The following ASPM variants were observed in gnomAD, a reference collection of about 807,000 sequenced individuals.
The protein encoded by ASPM is abnormal spindle-like microcephaly-associated protein.
ASPM carries 256 observed loss-of-function variants against 366.4 expected under a neutral mutation model. That is an observed-to-expected ratio of 0.70 (90% CI 0.63 to 0.77). ASPM has a LOEUF of 0.77. ASPM is among the 30% of genes least tolerant of loss of function. The probability of loss-of-function intolerance (pLI) is 0.00; values close to 1 mark genes in which losing one functional copy is unlikely to be tolerated. For synonymous variants in ASPM, 1,414 were observed against 1,342.9 expected (o/e 1.05, Z -1.16); for missense variants, 4,146 against 4,090.4 (o/e 1.01, Z -0.37).
In ASPM at chr1:197,104,691, G is replaced by A. The variant is rs774620009; in HGVS notation, c.4560C>T (p.Tyr1520=). 12 of 1,612,932 alleles carry A rather than the reference G, an allele frequency of 7.4e-6. No individual in the cohort carries two copies. In the South Asian group the frequency reaches 1.2e-4, roughly 16 times the overall value. ...TCTTTCCTTTCAGATATGCTTTGTAGTACTTCTGGATGGTTAGTATGGACT... is the reference window on the plus strand; with the variant it reads ...TCTTTCCTTTCAGATATGCTTTGTAATACTTCTGGATGGTTAGTATGGACT... The part of the protein sequence containing the change: ...RKESILTIQK[Y]YKAYLKGKIE... Residue 1520 remains tyrosine (Y), a synonymous_variant, in exon 18 of 28, where the codon TAC becomes TAT. Coordinates refer to ENST00000367409, the MANE Select transcript of ASPM (RefSeq NM_018136.5).
Position 197,090,083 on chromosome 1 carries a change from C to T in ASPM, c.9831G>A (p.Glu3277=). 6.2e-7 allele frequency: 1 copy of T among 1,612,826 alleles called. No homozygotes were observed. Among genetic ancestry groups the T allele is most frequent in the South Asian group, 1.1e-5 (1 of 91,044 alleles). The change falls in exon 25 of 28, where the codon GAG becomes GAA. Residue 3277 remains glutamate (E), a splice_region_variant and synonymous_variant. Transcript: ENST00000367409. ...AAAGTGGAGACAATCTAGTAACTAC[C>T]TCTGAAAGAAAAAAAAAACACACAC... is the stretch of plus-strand genomic sequence containing the variant. ...SAILEALKHL[E]VVTRLSPLCC... is the part of the protein sequence containing the mutation.
At position 197,139,832 on chromosome 1, in the gene ASPM, T is replaced by C. The variant is rs1658529645; in HGVS notation, c.1961A>G (p.Lys654Arg). Reference protein sequence around the residue: ...IFRTPISKTNKRTKPIIAVAQ... With the variant: ...IFRTPISKTNRRTKPIIAVAQ... Reference sequence around the variant, plus strand: ...CACAGCGATAATGGGTTTTGTCCTTTTGTTTGTTTTAGAAATTGGAGTTCT... The same window carrying C: ...CACAGCGATAATGGGTTTTGTCCTTCTGTTTGTTTTAGAAATTGGAGTTCT... Residue 654 changes from lysine (K) to arginine (R), a missense_variant, in exon 4 of 28, where the codon AAA becomes AGA. Physicochemically the swap from Lys to Arg is conservative, Grantham distance 26. Transcript: ENST00000367409. The C allele has an allele frequency of 1.2e-6, 2 of 1,612,100 alleles. No individual in the cohort carries two copies. The highest frequency in any genetic ancestry group is 2.2e-5 in the East Asian group (1 of 44,816).
In ASPM at chr1:197,103,567, C is replaced by G; in HGVS notation, c.5684G>C (p.Arg1895Thr). ...CTTCAAGGCAGCTTGATGTTCCCTT[C>G]TAATCTGTTTCCGAACCTTCCAGCC... The part of the protein sequence containing the change: ...YRGWKVRKQI[R>T]REHQAALKIQ... Residue 1895 changes from arginine to threonine, a missense_variant, in exon 18 of 28, where the codon AGA (arginine) becomes ACA (threonine). This residue lies in a region of ASPM where 3,624 missense variants were observed against 3,591.7 expected (regional missense o/e 1.01). Transcript: ENST00000367409. The G allele has an allele frequency of 6.2e-7, 1 of 1,612,926 alleles. No individual in the cohort carries two copies. Among genetic ancestry groups the G allele is most frequent in the Non-Finnish European group, 8.5e-7 (1 of 1,179,450 alleles).
chr1:197,098,415 G>A (rs978207918), intron 18 of ASPM, among the ~76,000 whole-genome samples: 5 of 151,338 alleles, frequency 3.3e-5, no homozygotes, highest in Non-Finnish European at 5.9e-5. Flanking sequence ...TTAGACCACT[G>A]GCATAGGCTA....
rs767131125 is a variant in ASPM, at chr1:197,132,471, A to T, written c.2420-119T>A. On this transcript the variant is annotated intron_variant, in intron 6 of 27. Coordinates refer to ENST00000367409, the MANE Select transcript of ASPM (RefSeq NM_018136.5). ...ATACTTGCTTATATGAAATAAGTTA[A>T]TTTAAATAAAATACACTTATAGTCT... 5.1e-6 allele frequency: 4 copies of T among 784,570 alleles called. No individual in the cohort carries two copies. The African/African-American group carries it at 5.3e-5, about 10-fold the overall frequency. 48.6% of individuals were successfully genotyped at this position (784,570 alleles called of 1,614,324 possible).
chr1:197,098,885 T>C (rs956918562), intron 18 of ASPM, among the ~76,000 whole-genome samples: 1 of 151,608 alleles, frequency 6.6e-6, no homozygotes, highest in African/African-American at 2.4e-5. Flanking sequence ...CAGACAAACA[T>C]AGTCAACTGC....
intron 4 of ASPM, chr1:197,139,318 C>A (rs554981778): frequency 2.6e-6 from 2 of 759,844 alleles, no homozygotes; most frequent in East Asian, 2.6e-5. Context: ...TGTTTTTGGC[C>A]GGGCGCGGTG....
intron 19 of ASPM, 55 bp downstream of exon 19, chr1:197,095,943 C>A (rs567759012): frequency 7.0e-7 from 1 of 1,427,052 alleles, no homozygotes; most frequent in Non-Finnish European, 9.7e-7. Context: ...TATGTAAAGA[C>A]TTAGCTATCA....
Position 197,084,174 on chromosome 1 carries a change from TA to T in ASPM, c.*149del. 1.6e-6 allele frequency: 1 copy of T among 630,952 alleles called. No individual in the cohort carries two copies. The allele number at this position is 630,952 out of a possible 1,614,324, so 39.1% of individuals were successfully genotyped here. The stretch of plus-strand genomic sequence containing the variant: ...ATTACATGCATAAAACTATAAATGA[TA>T]AAAATGAAGAATGTAATGAACAGTT... On this transcript the variant is annotated 3_prime_UTR_variant, in exon 28 of 28. Coordinates refer to ENST00000367409, the MANE Select transcript of ASPM (RefSeq NM_018136.5).
At chr1:197,132,231 C>T in intron 7 of ASPM, 54 bp downstream of exon 7, 3 of 1,368,862 alleles carry the variant, frequency 2.2e-6, no homozygotes, top group Non-Finnish European at 3.0e-6. Flanking sequence ...GTCTATTCTA[C>T]AAAAAGTATA....
In ASPM at chr1:197,143,287, A is replaced by C; in HGVS notation, c.965T>G (p.Val322Gly). 6.2e-7 allele frequency: 1 copy of C among 1,613,624 alleles called. No homozygotes were observed. Among genetic ancestry groups the C allele is most frequent in the South Asian group, 1.1e-5 (1 of 91,058 alleles). ...ATTATTAGCTCCATGACTATTATTT[A>C]CAAAAGAATCTGGACTTAGAAAATG... ...QIHFLSPDSF[V>G]NNSHGANNEL... The change falls in exon 3 of 28, where the codon GTA becomes GGA. Residue 322 changes from valine to glycine, a missense_variant. Coordinates refer to ENST00000367409, the MANE Select transcript of ASPM (RefSeq NM_018136.5).
rs1658617641 is a variant in ASPM at position 197,142,472 on chromosome 1, T to C, written c.1780A>G (p.Thr594Ala). 6.2e-7 allele frequency: 1 copy of C among 1,614,054 alleles called. No individual in the cohort carries two copies. The highest frequency in any genetic ancestry group is 8.5e-7 in the Non-Finnish European group (1 of 1,179,884). ...ATTCTTTTGATTTCTCGCACTTCTG[T>C]ATGTTCTGTAATTGCAACTCTCACA... ...ANVRVAITEH[T>A]EVREIKRIHF... Residue 594 changes from threonine to alanine, a missense_variant, in exon 3 of 28, where the codon ACA (threonine) becomes GCA (alanine). Transcript: ENST00000367409.
rs373830955 is a variant in ASPM, at chr1:197,093,154, T to C, written c.9192A>G (p.Arg3064=). 5.0e-6 allele frequency: 8 copies of C among 1,612,368 alleles called. No individual in the cohort carries two copies. The African/African-American group carries it at 1.1e-4, about 22-fold the overall frequency. Residue 3064 remains arginine, a synonymous_variant, in exon 21 of 28, where the codon CGA becomes CGG. Coordinates refer to ENST00000367409, the MANE Select transcript of ASPM (RefSeq NM_018136.5). ...SAALIIQKYI[R]AREAGKHERI... is the part of the protein sequence containing the mutation. Reference sequence around the variant, plus strand: ...TTTCATGCTTTCCAGCCTCCCTGGCTCGTATATATTTTTGTATGATCAAAG... The same window carrying C: ...TTTCATGCTTTCCAGCCTCCCTGGCCCGTATATATTTTTGTATGATCAAAG...
intron 27 of ASPM, among the ~76,000 whole-genome samples, chr1:197,086,261 G>T (rs1292043490): frequency 9.9e-5 from 15 of 151,810 alleles, no homozygotes; most frequent in Admixed American, 9.2e-4. Context: ...GGGAGAGAGG[G>T]AGAAGGGGGA....
At chr1:197,126,050 C>A (rs1275315612) in intron 10 of ASPM, among the ~76,000 whole-genome samples, 3 of 152,084 alleles carry the variant, frequency 2.0e-5, no homozygotes, top group Admixed American at 6.6e-5. Context: ...TTTGGTTATA[C>A]AAGATTGATC....
Position 197,090,380 on chromosome 1 carries a change from C to G in ASPM, c.9645G>C (p.Trp3215Cys). ...TSGIIKIQAL[W>C]RGYSWRKKND... ...TTTTCTTCCTCCAAGAATAGCCTCT[C>G]CATAATGCCTTAAAGAGATAAAACA... Residue 3215 changes from tryptophan (W) to cysteine (C), a missense_variant, in exon 24 of 28, where the codon TGG (tryptophan) becomes TGC (cysteine). Physicochemically the swap from Trp to Cys is radical, Grantham distance 215. This residue lies in a region of ASPM where 3,624 missense variants were observed against 3,591.7 expected (regional missense o/e 1.01). Transcript: ENST00000367409. The G allele has an allele frequency of 6.2e-7, 1 of 1,606,726 alleles. No homozygotes were observed. The highest frequency in any genetic ancestry group is 8.5e-7 in the Non-Finnish European group (1 of 1,174,858).
intron 17 of ASPM, among the ~76,000 whole-genome samples, chr1:197,112,439 T>C (rs1657617415): frequency 6.6e-6 from 1 of 152,038 alleles, no homozygotes; most frequent in Non-Finnish European, 1.5e-5. Flanking sequence ...GACAAAATAA[T>C]CTGTACAACA....
rs1294765122 is a variant in ASPM, at chr1:197,130,034, G to T, written c.2510C>A (p.Ser837Tyr). The T allele has an allele frequency of 3.7e-6, 6 of 1,613,700 alleles. No homozygotes were observed. Among genetic ancestry groups the T allele is most frequent in the African/African-American group, 1.3e-5 (1 of 74,886 alleles). Residue 837 changes from serine (S) to tyrosine (Y), a missense_variant, in exon 8 of 28, where the codon TCT becomes TAT. Physicochemically the swap from Ser to Tyr is moderately radical, Grantham distance 144. Around this residue, in one of 3 missense-constraint regions of ASPM, gnomAD observed 3,624 missense variants for 3,591.7 expected, o/e 1.01. Coordinates refer to ENST00000367409, the MANE Select transcript of ASPM (RefSeq NM_018136.5). ...TGTGACATCACTGTTATCTTCCAAA[G>T]ATATGAGTTCTCCATAAGTTGTCTG... ...GLETTYGELI[S>Y]LEDNSDVTGL...
intron 17 of ASPM, among the ~76,000 whole-genome samples, chr1:197,111,968 C>T (rs1657600303): frequency 6.6e-6 from 1 of 152,054 alleles, no homozygotes; most frequent in African/African-American, 2.4e-5. Context: ...TCTCAAAGGC[C>T]TAAAAGCAGA....
Sources: allele counts gnomAD v4.1 joint callset (sites outside exome capture counted in the v4.1 genomes callset), GRCh38; gene constraint gnomAD v4.1.1; regional missense constraint gnomAD v4.1.1; transcripts MANE v1.5; gene names NCBI Gene and HGNC (gene_info 2026-07-23, HGNC 2026-07-21).